The following ZFAT variants were observed in gnomAD, a reference collection of about 807,000 sequenced individuals.
ZFAT encodes zinc finger and AT-hook domain containing.
ZFAT carries 64 observed loss-of-function variants against 117.7 expected under a neutral mutation model. The observed-to-expected ratio is 0.54, with a 90% CI of 0.44 to 0.67. The LOEUF (loss-of-function observed/expected upper bound fraction) is 0.67. Among genes scored for constraint, ZFAT ranks in the 30% least tolerant of loss-of-function variants. ZFAT has a pLI of 0.00. For missense variants in ZFAT, 1,433 were observed against 1,584.5 expected, an observed-to-expected ratio of 0.90 and a Z score of 1.62; for synonymous variants, 679 against 615.0, an observed-to-expected ratio of 1.10 and a Z score of -1.54.
chr8:134,808,471 A>G, the ZFAT span, among the ~76,000 whole-genome samples: 2 of 152,228 alleles, frequency 1.3e-5, no homozygotes, highest in African/African-American at 4.8e-5. Context: ...AATCCTGATC[A>G]GGCAGGCCCA....
At chr8:134,617,451 A>G (rs1021672462) in intron 3 of ZFAT, among the ~76,000 whole-genome samples, 1 of 152,246 alleles carries the variant, frequency 6.6e-6, no homozygotes, top group Non-Finnish European at 1.5e-5. Flanking sequence ...GCTAGTATTA[A>G]TAACAACAAT....
Position 134,560,585 on chromosome 8 carries a change from T to G in ZFAT, c.2976+4748A>C, listed in dbSNP as rs1466379988. Reference sequence around the variant, plus strand: ...ATGAGAAAGAACTCCACAAGGTGATTCCTGCCTAACTACACTGCCTTACAT... The same window carrying G: ...ATGAGAAAGAACTCCACAAGGTGATGCCTGCCTAACTACACTGCCTTACAT... On this transcript the variant is annotated intron_variant, in intron 11 of 15. Coordinates refer to ENST00000377838, the MANE Select transcript of ZFAT (RefSeq NM_020863.4). Among the ~76,000 whole-genome samples the G allele has an allele frequency of 2.0e-5, 3 of 152,238 alleles. No homozygotes were observed. The East Asian group carries it at 5.8e-4, about 29-fold the overall frequency.
the ZFAT span, among the ~76,000 whole-genome samples, chr8:134,826,035 A>T: frequency 6.6e-6 from 1 of 151,692 alleles, no homozygotes; most frequent in African/African-American, 2.4e-5. Flanking sequence ...AAAAAAAAAA[A>T]GAAAAGAAAT....
chr8:134,703,427 T>C (rs1205934635), intron 1 of ZFAT, among the ~76,000 whole-genome samples: 1 of 152,204 alleles, frequency 6.6e-6, no homozygotes. Flanking sequence ...ACCATTCCCA[T>C]AGAGGATATG....
chr8:134,747,753 T>A, the ZFAT span, among the ~76,000 whole-genome samples: 1 of 152,176 alleles, frequency 6.6e-6, no homozygotes, highest in East Asian at 1.9e-4. Flanking sequence ...GTTTCCTCCC[T>A]TTTTTTACAG....
the ZFAT span, among the ~76,000 whole-genome samples, chr8:134,825,412 T>G: frequency 6.6e-6 from 1 of 152,230 alleles, no homozygotes; most frequent in African/African-American, 2.4e-5. Context: ...GTCTTAAGAA[T>G]TTTTAAAGAA....
At chr8:134,641,706 C>CTG (rs1830594134) in intron 2 of ZFAT, among the ~76,000 whole-genome samples, 1 of 152,248 alleles carries the variant, frequency 6.6e-6, no homozygotes, top group Admixed American at 6.5e-5. Flanking sequence ...TAAGTACACA[C>CTG]TGATCCACTG....
At chr8:134,769,833 C>A in the ZFAT span, among the ~76,000 whole-genome samples, 17 of 152,338 alleles carry the variant, frequency 1.1e-4, no homozygotes, top group South Asian at 3.5e-3. Context: ...AACTTCAATT[C>A]TTGACTTCTG....
intron 10 of ZFAT, chr8:134,565,653 G>A (rs944839027): frequency 1.7e-5 from 11 of 631,662 alleles, no homozygotes; most frequent in Admixed American, 8.1e-5. Context: ...AGCTCCACCT[G>A]GGGAGGCCCC....
At chr8:134,729,914 A>C in the ZFAT span, among the ~76,000 whole-genome samples, 1 of 152,196 alleles carries the variant, frequency 6.6e-6, no homozygotes, top group African/African-American at 2.4e-5. Context: ...TTCTTTTGCA[A>C]TATTCAAAGC....
At chr8:134,696,935 T>C (rs1563772233) in intron 1 of ZFAT, among the ~76,000 whole-genome samples, 1 of 152,130 alleles carries the variant, frequency 6.6e-6, no homozygotes, top group South Asian at 2.1e-4. Context: ...TTTTTTTTTT[T>C]GGAGACGAGT....
the ZFAT span, among the ~76,000 whole-genome samples, chr8:134,769,732 C>CTG: frequency 5.9e-5 from 9 of 152,186 alleles, no homozygotes; most frequent in Non-Finnish European, 7.4e-5. Flanking sequence ...TCTCCATGAG[C>CTG]CACGCCTCCC....
At chr8:134,502,823 T>G (rs935066407) in intron 15 of ZFAT, among the ~76,000 whole-genome samples, 1 of 152,224 alleles carries the variant, frequency 6.6e-6, no homozygotes, top group Admixed American at 6.5e-5. Flanking sequence ...AGGGCCTTCA[T>G]GGGGAAGAGG....
chr8:134,816,081 A>T, the ZFAT span, among the ~76,000 whole-genome samples: 1 of 152,210 alleles, frequency 6.6e-6, no homozygotes, highest in African/African-American at 2.4e-5. Context: ...AATATAGTAA[A>T]GGGAGCTGCA....
At chr8:134,713,603 C>T (rs1814123721), upstream of ZFAT, among the ~76,000 whole-genome samples, 1 of 152,060 alleles carries the variant, frequency 6.6e-6, no homozygotes, top group African/African-American at 2.4e-5. Context: ...CTCTTTTTGT[C>T]CCACAACAAG....
chr8:134,729,339 G>T, the ZFAT span, among the ~76,000 whole-genome samples: 147 of 152,172 alleles, frequency 9.7e-4, 1 homozygote, highest in Middle Eastern at 3.4e-3. Context: ...TTTTTGTTTT[G>T]TTTTGTTTTT....
intron 7 of ZFAT, 45 bp downstream of exon 7, chr8:134,600,391 G>T: frequency 6.5e-7 from 1 of 1,533,456 alleles, no homozygotes; most frequent in South Asian, 1.1e-5. Flanking sequence ...AGAAAGCAAT[G>T]AGCACCCAGG....
intron 1 of ZFAT, among the ~76,000 whole-genome samples, chr8:134,669,934 A>G (rs1343786100): frequency 2.0e-5 from 3 of 152,256 alleles, no homozygotes; most frequent in African/African-American, 7.2e-5. Context: ...GACAACAAAA[A>G]AGGCAGAGGT....
chr8:134,605,857 C>T (rs1398845310), intron 5 of ZFAT, among the ~76,000 whole-genome samples: 1 of 152,182 alleles, frequency 6.6e-6, no homozygotes, highest in Non-Finnish European at 1.5e-5. Context: ...AGCTCACCTT[C>T]CAGAAAGTGC....
Sources: allele counts gnomAD v4.1 joint callset (sites outside exome capture counted in the v4.1 genomes callset), GRCh38; gene constraint gnomAD v4.1.1; transcripts MANE v1.5; gene names NCBI Gene and HGNC (gene_info 2026-07-23, HGNC 2026-07-21).